TTC6: variants seen among roughly 807,000 people sequenced by gnomAD.
TTC6 encodes tetratricopeptide repeat protein 6.
In TTC6, 172 loss-of-function variants were observed where a neutral mutation model predicts 210.4. The observed-to-expected ratio is 0.82, with a 90% CI of 0.72 to 0.93. The LOEUF is 0.93. Ranked by LOEUF, TTC6 falls within the 40% of genes least tolerant of loss-of-function variation. The probability of loss-of-function intolerance (pLI) is 0.00; values close to 1 mark genes in which losing one functional copy is unlikely to be tolerated. For missense variants in TTC6, 2,414 were observed against 2,318.1 expected (o/e 1.04, Z -0.85); for synonymous variants, 804 against 819.6 (o/e 0.98, Z 0.32).
At chr14:37,783,336 A>G (rs371150094) in intron 14 of TTC6, among the ~76,000 whole-genome samples, 9 of 152,036 alleles carry the variant, frequency 5.9e-5, no homozygotes, top group Admixed American at 2.0e-4. Flanking sequence ...CAGGGATTCA[A>G]TTTCTTCCTG....
At chr14:37,790,152 T>G (rs1387783553) in intron 15 of TTC6, among the ~76,000 whole-genome samples, 1 of 152,150 alleles carries the variant, frequency 6.6e-6, no homozygotes, top group Non-Finnish European at 1.5e-5. Context: ...ATTTGGGATG[T>G]GCATAGTCAA....
intron 3 of TTC6, among the ~76,000 whole-genome samples, chr14:37,689,327 A>C (rs1221119440): frequency 1.3e-5 from 2 of 152,162 alleles, no homozygotes; most frequent in Non-Finnish European, 2.9e-5. Context: ...TCTATAAAAT[A>C]ATCTCAAAAG....
intron 5 of TTC6, among the ~76,000 whole-genome samples, chr14:37,711,365 T>C (rs912822439): frequency 1.1e-4 from 16 of 152,082 alleles, no homozygotes; most frequent in African/African-American, 3.4e-4. Flanking sequence ...AAAGAGCAGA[T>C]CAAATGCAAC....
At chr14:37,607,468 A>G (rs1418516224) in intron 2 of TTC6, among the ~76,000 whole-genome samples, 1 of 152,242 alleles carries the variant, frequency 6.6e-6, no homozygotes, top group African/African-American at 2.4e-5. Context: ...TGTGCTAGAT[A>G]CTAAAGATAC....
At position 37,599,030 on chromosome 14, in the gene TTC6, C is replaced by A. The variant is rs568510937; in HGVS notation, c.-235+3022C>A. Among the ~76,000 whole-genome samples the A allele has an allele frequency of 2.0e-5, 3 of 151,354 alleles. No individual in the cohort carries two copies. In the East Asian group the frequency reaches 5.9e-4, roughly 30 times the overall value. ...TGTGGTCGTTAACGCGGTTCAAAGCCGACCCCAACTGGGACACGGCTCAGC... is the reference window on the plus strand; with the variant it reads ...TGTGGTCGTTAACGCGGTTCAAAGCAGACCCCAACTGGGACACGGCTCAGC... On this transcript the variant is annotated intron_variant, in intron 1 of 2. Coordinates refer to the TTC6 transcript ENST00000556845.
chr14:37,771,146 G>A (rs1388633439), intron 14 of TTC6, among the ~76,000 whole-genome samples: 1 of 151,886 alleles, frequency 6.6e-6, no homozygotes, highest in Non-Finnish European at 1.5e-5. Flanking sequence ...CTCTCTTCTG[G>A]CTTATAGGGT....
At chr14:37,725,310 G>GTGTA (rs1555391390) in intron 7 of TTC6, among the ~76,000 whole-genome samples, 78 of 55,706 alleles carry the variant, frequency 1.4e-3, no homozygotes, top group African/African-American at 3.6e-3. Flanking sequence ...GTGTGTGTGT[G>GTGTA]TGTATATATA....
intron 29 of TTC6, among the ~76,000 whole-genome samples, chr14:37,839,350 AGATGG>A (rs2096204955): frequency 6.6e-6 from 1 of 152,168 alleles, no homozygotes; most frequent in African/African-American, 2.4e-5. Flanking sequence ...AACTGACATG[AGATGG>A]TATCTCATTG....
chr14:37,619,551 A>G (rs1310971053), upstream of TTC6, among the ~76,000 whole-genome samples: 5 of 152,220 alleles, frequency 3.3e-5, no homozygotes, highest in Admixed American at 3.3e-4. Context: ...ACACCAAAAA[A>G]TTGCACCAAA....
intron 25 of TTC6, among the ~76,000 whole-genome samples, chr14:37,815,669 A>C (rs1341082577): frequency 6.6e-6 from 1 of 152,136 alleles, no homozygotes; most frequent in Non-Finnish European, 1.5e-5. Flanking sequence ...AGGCATGTGA[A>C]GTGGTAGTGT....
intron 16 of TTC6, 32 bp downstream of exon 18, chr14:37,790,869 A>T (rs1310759952): frequency 6.7e-7 from 1 of 1,500,896 alleles, no homozygotes; most frequent in Non-Finnish European, 8.8e-7. Flanking sequence ...TATTGATTTC[A>T]GTTTTGTAAA....
chr14:37,653,923 T>A (rs177867), intron 1 of TTC6, among the ~76,000 whole-genome samples: 48,107 of 152,026 alleles, frequency 0.32, 7,750 homozygotes, highest in Non-Finnish European at 0.34. Flanking sequence ...ACCATCTTGT[T>A]TAATACATTT....
intron 2 of TTC6, among the ~76,000 whole-genome samples, chr14:37,607,871 T>C (rs1235386108): frequency 6.6e-6 from 1 of 152,236 alleles, no homozygotes; most frequent in Non-Finnish European, 1.5e-5. Context: ...TGAGACATTT[T>C]GCTATATGAT....
At chr14:37,721,163 A>G (rs1230280849) in intron 6 of TTC6, among the ~76,000 whole-genome samples, 1 of 152,076 alleles carries the variant, frequency 6.6e-6, no homozygotes, top group Non-Finnish European at 1.5e-5. Context: ...TTGTACAATA[A>G]AAAAGCTTGT....
chr14:37,739,695 A>C (rs1336800540), intron 10 of TTC6, among the ~76,000 whole-genome samples: 1 of 152,140 alleles, frequency 6.6e-6, no homozygotes, highest in East Asian at 1.9e-4. Context: ...GACATGAGGT[A>C]AGACTAAATC....
At chr14:37,793,305 T>C (rs2096084728) in intron 17 of TTC6, among the ~76,000 whole-genome samples, 1 of 152,188 alleles carries the variant, frequency 6.6e-6, no homozygotes, top group South Asian at 2.1e-4. Context: ...GTCTCCTGTC[T>C]ATGCTGGTTT....
At chr14:37,805,446 C>CACACACACACACAA (rs1339370999) in intron 21 of TTC6, among the ~76,000 whole-genome samples, 2 of 131,690 alleles carry the variant, frequency 1.5e-5, no homozygotes, top group Non-Finnish European at 3.4e-5. Context: ...CACACACACA[C>CACACACACACACAA]ACACACAAAC....
intron 3 of TTC6, among the ~76,000 whole-genome samples, chr14:37,684,578 G>A (rs938631281): frequency 6.6e-6 from 1 of 152,178 alleles, no homozygotes; most frequent in Non-Finnish European, 1.5e-5. Flanking sequence ...AGAAGAGAAT[G>A]TCTAATAAAA....
At chr14:37,640,790 G>A (rs1209953879) in intron 1 of TTC6, among the ~76,000 whole-genome samples, 1 of 152,140 alleles carries the variant, frequency 6.6e-6, no homozygotes, top group African/African-American at 2.4e-5. Flanking sequence ...TGATCTAACT[G>A]CTTCGGCCTC....
Sources: gnomAD v4.1 joint callset for allele counts (sites outside exome capture counted in the v4.1 genomes callset) on GRCh38, gnomAD v4.1.1 for gene constraint, MANE v1.5 for transcripts, NCBI Gene and HGNC (gene_info 2026-07-23, HGNC 2026-07-21) for gene names.